The following IL6ST variants were observed in gnomAD, a reference collection of about 807,000 sequenced individuals.
IL6ST encodes interleukin 6 cytokine family signal transducer.
Under a neutral mutation model 91.3 loss-of-function variants are expected in IL6ST, and 24 were observed. That is an observed-to-expected ratio of 0.26 (90% CI 0.19 to 0.37). The LOEUF (loss-of-function observed/expected upper bound fraction) is 0.37, where lower values mean the gene tolerates loss of function less well. IL6ST is among the 10% of genes least tolerant of loss of function. The pLI, the probability that IL6ST is intolerant of heterozygous loss-of-function variation, is 1.00. For missense variants in IL6ST, 914 were observed against 1,078.5 expected (o/e 0.85, Z 2.14); for synonymous variants, 351 against 373.6 (o/e 0.94, Z 0.70).
intron 3 of IL6ST, among the ~76,000 whole-genome samples, chr5:55,971,631 G>A (rs1752969240): frequency 1.3e-5 from 2 of 151,978 alleles, no homozygotes; most frequent in South Asian, 4.2e-4. Flanking sequence ...ACTAGCCTGG[G>A]CAACATGGCA....
Position 55,936,288 on chromosome 5 carries a change from A to G in IL6ST, c.*4794T>C, listed in dbSNP as rs116432676. On this transcript the variant is annotated 3_prime_UTR_variant, in exon 17 of 17. Transcript: ENST00000381298. The stretch of plus-strand genomic sequence containing the variant: ...AGCAGAGTGCAGGGTGGGCACAGAC[A>G]GGCCACAAGATGGCGCAGCACCTCC... The G allele has an allele frequency of 1.2e-3, 262 of 223,604 alleles. No individual in the cohort carries two copies. Among genetic ancestry groups the G allele is most frequent in the African/African-American group, 5.7e-3 (253 of 44,728 alleles). The allele number at this position is 223,604 out of a possible 1,614,324, so 13.9% of individuals were successfully genotyped here.
chr5:55,935,263 T>A lies in IL6ST; in HGVS notation c.*5819A>T. On this transcript the variant is annotated 3_prime_UTR_variant, in exon 17 of 17. Transcript: ENST00000381298. ...CTAAAAAAAGCTCAAAAATAAGAAA[T>A]GACAATTCTAGATACACTTTTTTGA... 5.4e-6 allele frequency: 1 copy of A among 186,370 alleles called. No individual in the cohort carries two copies. 11.5% of individuals were successfully genotyped at this position (186,370 alleles called of 1,614,324 possible).
In IL6ST at chr5:55,936,889, G is replaced by A. The variant is rs1448316636; in HGVS notation, c.*4193C>T. 1.5e-5 allele frequency: 3 copies of A among 198,556 alleles called. No individual in the cohort carries two copies. In the East Asian group the frequency reaches 2.3e-4, roughly 16 times the overall value. The allele number at this position is 198,556 out of a possible 1,614,324, so 12.3% of individuals were successfully genotyped here. A position where few individuals can be genotyped will look rare whatever the true frequency, so the allele number is the denominator to read the frequency against. Reference sequence around the variant, plus strand: ...ATGAAAGGATTGCACTTAGAAGAAAGTGGGACATAGCTAGGATATAAAAGA... The same window carrying A: ...ATGAAAGGATTGCACTTAGAAGAAAATGGGACATAGCTAGGATATAAAAGA... On this transcript the variant is annotated 3_prime_UTR_variant, in exon 17 of 17. Transcript: ENST00000381298.
rs1750698443 is a variant in IL6ST at position 55,938,887 on chromosome 5, T to TG, written c.*2194dup. 4.9e-6 allele frequency: 1 copy of TG among 202,758 alleles called. No individual in the cohort carries two copies. The highest frequency in any genetic ancestry group is 1.0e-5 in the Non-Finnish European group (1 of 98,762). 12.6% of individuals were successfully genotyped at this position (202,758 alleles called of 1,614,324 possible). On this transcript the variant is annotated 3_prime_UTR_variant, in exon 17 of 17. Coordinates refer to ENST00000381298, the MANE Select transcript of IL6ST (RefSeq NM_002184.4). ...AATATGTATAAAGTGTTCTTGGGGATGGGGGTATATTCACTCACTGTACCA... is the reference window on the plus strand; with the variant it reads ...AATATGTATAAAGTGTTCTTGGGGATGGGGGGTATATTCACTCACTGTACCA...
chr5:55,979,470 A>G (rs1382275618), intron 2 of IL6ST, among the ~76,000 whole-genome samples: 3 of 152,206 alleles, frequency 2.0e-5, no homozygotes, highest in African/African-American at 7.2e-5. Flanking sequence ...GTATGTAACA[A>G]AAGGTAAACA....
intron 16 of IL6ST, 47 bp downstream of exon 16, chr5:55,942,623 C>A (rs1750991316): frequency 1.0e-6 from 1 of 989,318 alleles, no homozygotes; most frequent in Admixed American, 1.8e-5. Context: ...AATATACCTA[C>A]TAACATGTCT....
At chr5:55,951,345 A>G (rs1751617981) in intron 14 of IL6ST, 119 bp downstream of exon 14, 1 of 779,298 alleles carries the variant, frequency 1.3e-6, no homozygotes, top group Admixed American at 2.6e-5. Context: ...AAGCCAGATA[A>G]TATAAAAATC....
At chr5:55,947,248 C>A (rs541005125) in intron 15 of IL6ST, among the ~76,000 whole-genome samples, 1 of 152,128 alleles carries the variant, frequency 6.6e-6, no homozygotes, top group South Asian at 2.1e-4. Flanking sequence ...ACTACAGTTA[C>A]AGAAAAGCAG....
At chr5:55,979,590 C>T (rs1753523718) in intron 2 of IL6ST, among the ~76,000 whole-genome samples, 1 of 152,166 alleles carries the variant, frequency 6.6e-6, no homozygotes, top group African/African-American at 2.4e-5. Flanking sequence ...AGTATCGTCA[C>T]ACACTACAGG....
chr5:55,978,503 G>A (rs993708515), intron 2 of IL6ST: 1 of 152,264 alleles, frequency 6.6e-6, no homozygotes, highest in South Asian at 2.1e-4. Context: ...TGAGGCGAGT[G>A]AATCATGAGG....
In IL6ST at chr5:55,968,391, G is replaced by A. The variant is rs148424276; in HGVS notation, c.376C>T (p.Pro126Ser). The A allele has an allele frequency of 1.2e-6, 2 of 1,611,486 alleles. No homozygotes were observed. The highest frequency in any genetic ancestry group is 1.7e-5 in the Admixed American group (1 of 59,608). ...CAACTCAAATTTTTAGGTTTTTCTG[G>A]AGGCACTAAAAGGGATTAATTAGCA... The part of the protein sequence containing the change: ...YGITIISGLP[P>S]EKPKNLSCIV... The change falls in exon 5 of 17, where the codon CCA becomes TCA. Residue 126 changes from proline to serine, a missense_variant. Pro to Ser is a moderately conservative substitution (Grantham distance 74). Transcript: ENST00000381298.
chr5:55,959,671 G>A (rs961160733), intron 8 of IL6ST: 1 of 1,290,398 alleles, frequency 7.7e-7, no homozygotes, highest in Admixed American at 2.3e-5. Flanking sequence ...CTTATCAAGT[G>A]CTATTAGAAA....
In IL6ST at chr5:55,951,582, G is replaced by A; in HGVS notation, c.1722C>T (p.His574=). The part of the protein sequence containing the change: ...NETAVNVDSS[H]TEYTLSSLTS... ...TCAAAGAGGACAATGTATATTCTGT[G>A]TGGGAAGAATCCACATTCACAGCTG... Residue 574 remains histidine (H), a synonymous_variant, in exon 14 of 17, where the codon CAC becomes CAT. Transcript: ENST00000381298. 6.2e-7 allele frequency: 1 copy of A among 1,611,112 alleles called. No individual in the cohort carries two copies. Among genetic ancestry groups the A allele is most frequent in the Non-Finnish European group, 8.5e-7 (1 of 1,178,710 alleles).
intron 2 of IL6ST, among the ~76,000 whole-genome samples, chr5:55,981,222 G>C (rs1753651480): frequency 6.6e-6 from 1 of 152,208 alleles, no homozygotes; most frequent in Admixed American, 6.5e-5. Flanking sequence ...TTGTAATGGA[G>C]AGGTGATGAA....
chr5:55,976,305 AC>A lies in IL6ST; in HGVS notation c.-15-13del. 2 of 1,500,152 alleles carry A rather than the reference AC, an allele frequency of 1.3e-6. No individual in the cohort carries two copies. The highest frequency in any genetic ancestry group is 1.8e-6 in the Non-Finnish European group (2 of 1,099,340). The allele number at this position is 1,500,152 out of a possible 1,614,324, so 92.9% of individuals were successfully genotyped here. ...TTGCGCGGATATTTCTGCAACAGAC[AC>A]ATGTAATATTACTTTTAATATTTTT... On this transcript the variant is annotated splice_polypyrimidine_tract_variant and intron_variant, in intron 2 of 16. Transcript: ENST00000381298.
At position 55,941,392 on chromosome 5, in the gene IL6ST, T is replaced by G; in HGVS notation, c.2447A>C (p.Lys816Thr). The stretch of plus-strand genomic sequence containing the variant: ...GGATTCATGCTGACTGCAGTTCTGT[T>G]TGAAGTACTGTTGCCTGGGCAAAAT... ...DGILPRQQYF[K>T]QNCSQHESSP... Residue 816 changes from lysine (K) to threonine (T), a missense_variant, in exon 17 of 17, where the codon AAA becomes ACA. By Grantham distance (78) the Lys-to-Thr change is moderately conservative. Coordinates refer to ENST00000381298, the MANE Select transcript of IL6ST (RefSeq NM_002184.4). The G allele has an allele frequency of 6.2e-7, 1 of 1,614,198 alleles. No individual in the cohort carries two copies. Among genetic ancestry groups the G allele is most frequent in the Non-Finnish European group, 8.5e-7 (1 of 1,180,004 alleles).
At chr5:55,948,997 T>C (rs80046549) in intron 14 of IL6ST, 5 of 152,052 alleles carry the variant, frequency 3.3e-5, no homozygotes, top group African/African-American at 4.8e-5. Context: ...AGATAGAGAA[T>C]TGAAAAAAGG....
chr5:55,980,626 A>G (rs1167626848), intron 2 of IL6ST, among the ~76,000 whole-genome samples: 5 of 152,302 alleles, frequency 3.3e-5, no homozygotes, highest in South Asian at 2.1e-4. Flanking sequence ...TGACAGTTCA[A>G]TCGTACTCCA....
Position 55,941,830 on chromosome 5 carries a change from G to GA in IL6ST, c.2020-12dup, listed in dbSNP as rs758268282. On this transcript the variant is annotated splice_polypyrimidine_tract_variant and intron_variant, in intron 16 of 16. Transcript: ENST00000381298. ...TGAATTAAAATTGTGCTAAGGAAGAGAAAAAATTGTATATGGCAAGTATTA... is the reference window on the plus strand; with the variant it reads ...TGAATTAAAATTGTGCTAAGGAAGAGAAAAAAATTGTATATGGCAAGTATTA... 36 of 1,593,892 alleles carry GA rather than the reference G, an allele frequency of 2.3e-5. No individual in the cohort carries two copies. The highest frequency in any genetic ancestry group is 2.9e-5 in the Non-Finnish European group (34 of 1,171,316).
Sources: allele counts gnomAD v4.1 joint callset (sites outside exome capture counted in the v4.1 genomes callset), GRCh38; gene constraint gnomAD v4.1.1; transcripts MANE v1.5; gene names NCBI Gene and HGNC (gene_info 2026-07-23, HGNC 2026-07-21).